Variants in EXOC4 observed in about 807,000 individuals in gnomAD.
EXOC4 encodes the protein exocyst complex component 4.
Under a neutral mutation model 107.2 loss-of-function variants are expected in EXOC4, and 71 were observed. The ratio of observed to expected loss-of-function variants is 0.66; its 90% CI spans 0.55 to 0.81. EXOC4 has a LOEUF of 0.81. EXOC4 is among the 30% of genes least tolerant of loss of function. The pLI is 0.00. For missense variants in EXOC4, 1,108 were observed against 1,189.6 expected (o/e 0.93, Z 1.01); for synonymous variants, 456 against 441.2 (o/e 1.03, Z -0.42).
At chr7:134,044,767 A>G (rs1437941438) in intron 17 of EXOC4, among the ~76,000 whole-genome samples, 1 of 152,254 alleles carries the variant, frequency 6.6e-6, no homozygotes, top group African/African-American at 2.4e-5. Context: ...TGTTCTTGCC[A>G]GACACTTATA....
At chr7:133,585,891 C>T (rs1246762843) in intron 9 of EXOC4, among the ~76,000 whole-genome samples, 5 of 151,942 alleles carry the variant, frequency 3.3e-5, no homozygotes, top group African/African-American at 1.2e-4. Context: ...GACAGTGTTT[C>T]ACCATGTTGG....
chr7:133,270,514 A>G (rs1269836710), intron 1 of EXOC4, among the ~76,000 whole-genome samples: 2 of 152,230 alleles, frequency 1.3e-5, no homozygotes, highest in South Asian at 2.1e-4. Context: ...AACCCAAGAA[A>G]GAACTATTGA....
intron 7 of EXOC4, 73 bp downstream of exon 7, chr7:133,375,075 A>G (rs1796459408): frequency 1.6e-6 from 2 of 1,241,076 alleles, no homozygotes; most frequent in Admixed American, 1.9e-5. Flanking sequence ...AACAGCAACA[A>G]CAAGCCACCT....
chr7:134,016,539 C>T (rs941708459), intron 17 of EXOC4, among the ~76,000 whole-genome samples: 4 of 152,162 alleles, frequency 2.6e-5, no homozygotes, highest in Admixed American at 6.5e-5. Flanking sequence ...CATTTTCTCA[C>T]GTTAACTTCT....
intron 4 of EXOC4, among the ~76,000 whole-genome samples, chr7:133,312,420 GAATT>G (rs778864911): frequency 6.6e-6 from 1 of 152,128 alleles, no homozygotes; most frequent in Non-Finnish European, 1.5e-5. Flanking sequence ...CTGATAAAAG[GAATT>G]ACTTGTGAGA....
intron 11 of EXOC4, among the ~76,000 whole-genome samples, chr7:133,854,933 T>TC (rs1798316430): frequency 6.7e-6 from 1 of 148,544 alleles, no homozygotes; most frequent in Non-Finnish European, 1.5e-5. Flanking sequence ...CATATTGTCT[T>TC]CATGTCTTTC....
intron 10 of EXOC4, among the ~76,000 whole-genome samples, chr7:133,793,836 C>CT (rs1165249155): frequency 1.5e-5 from 2 of 130,370 alleles, no homozygotes; most frequent in African/African-American, 5.9e-5. Context: ...GAGGGAGACT[C>CT]TGTCACACAC....
chr7:133,594,314 AT>A, intron 9 of EXOC4, among the ~76,000 whole-genome samples: 1 of 152,176 alleles, frequency 6.6e-6, no homozygotes. Context: ...TAATATTTTC[AT>A]TTGAAGACCT....
At chr7:133,962,397 C>G (rs1326360934) in intron 14 of EXOC4, among the ~76,000 whole-genome samples, 1 of 152,158 alleles carries the variant, frequency 6.6e-6, no homozygotes, top group Non-Finnish European at 1.5e-5. Flanking sequence ...GTTGTCCTGC[C>G]TATGTTTGTT....
rs533527429 is a variant in EXOC4 at position 133,615,070 on chromosome 7, C to T, written c.1418-14975C>T. On this transcript the variant is annotated intron_variant, in intron 9 of 17. Coordinates refer to ENST00000253861, the MANE Select transcript of EXOC4 (RefSeq NM_021807.4). ...TATGACATGGACCCTTCTATGATAT[C>T]GTCACTGAAACTAAAGCAAACAGTT... is the stretch of plus-strand genomic sequence containing the variant. Among the ~76,000 whole-genome samples the T allele has an allele frequency of 7.9e-5, 12 of 152,224 alleles. No homozygotes were observed. In the East Asian group the frequency reaches 9.7e-4, roughly 12 times the overall value.
chr7:133,335,752 C>T, intron 5 of EXOC4, among the ~76,000 whole-genome samples: 1 of 152,184 alleles, frequency 6.6e-6, no homozygotes, highest in East Asian at 1.9e-4. Flanking sequence ...TTCTGGGGAT[C>T]TGCCATGCTG....
At position 133,422,650 on chromosome 7, in the gene EXOC4, GGA is replaced by G. The variant is rs1340254285; in HGVS notation, c.1182+47650_1182+47651del. ...TAGGTTACATGTTTTACTGGCTCATGGAGCTCTTCAAAATGACCCAGTTCAGA... is the reference window on the plus strand; with the variant it reads ...TAGGTTACATGTTTTACTGGCTCATGGCTCTTCAAAATGACCCAGTTCAGA... On this transcript the variant is annotated intron_variant, in intron 7 of 17. Transcript: ENST00000253861. Among the ~76,000 whole-genome samples the G allele has an allele frequency of 5.7e-3, 870 of 152,184 alleles. 7 individuals carry two copies. The highest frequency in any genetic ancestry group is 0.02 in the African/African-American group (829 of 41,508).
chr7:133,587,431 T>C (rs1048242586), intron 9 of EXOC4, among the ~76,000 whole-genome samples: 3 of 152,268 alleles, frequency 2.0e-5, no homozygotes, highest in African/African-American at 7.2e-5. Flanking sequence ...ACTGGAACTA[T>C]GGGGAGAAAT....
intron 10 of EXOC4, among the ~76,000 whole-genome samples, chr7:133,638,056 CAG>C (rs1232361495): frequency 1.3e-5 from 2 of 151,972 alleles, no homozygotes; most frequent in Admixed American, 6.6e-5. Flanking sequence ...TAGTGAAAAA[CAG>C]AGGAGAAACA....
At chr7:133,425,361 C>T (rs1204152057) in intron 7 of EXOC4, among the ~76,000 whole-genome samples, 2 of 152,176 alleles carry the variant, frequency 1.3e-5, no homozygotes, top group Non-Finnish European at 2.9e-5. Context: ...AATCTTGGCT[C>T]ACTGCAACCT....
chr7:133,582,390 C>T (rs1054104643), intron 9 of EXOC4, among the ~76,000 whole-genome samples: 9 of 152,164 alleles, frequency 5.9e-5, no homozygotes, highest in Non-Finnish European at 1.2e-4. Context: ...AAGAACAGCA[C>T]TTTTAAACAA....
At chr7:133,468,186 T>C (rs780670540) in intron 7 of EXOC4, among the ~76,000 whole-genome samples, 13 of 152,230 alleles carry the variant, frequency 8.5e-5, no homozygotes, top group Non-Finnish European at 2.9e-5. Context: ...ATGTGTACTC[T>C]TGGAAGTTTT....
In EXOC4 at chr7:133,693,246, G is replaced by A. The variant is rs186621548; in HGVS notation, c.1514+63105G>A. The stretch of plus-strand genomic sequence containing the variant: ...CGATAGCCCCTGGCAAACCACTGGT[G>A]TGAGTCCAAGAGTCCAAAAGCTGAA... On this transcript the variant is annotated intron_variant, in intron 10 of 17. Coordinates refer to ENST00000253861, the MANE Select transcript of EXOC4 (RefSeq NM_021807.4). Among the ~76,000 whole-genome samples the A allele has an allele frequency of 5.3e-5, 8 of 152,320 alleles. No homozygotes were observed. The East Asian group carries it at 1.5e-3, about 29-fold the overall frequency.
At position 133,356,348 on chromosome 7, in the gene EXOC4, A is replaced by G; in HGVS notation, c.782A>G (p.Gln261Arg). 1 of 1,613,982 alleles carries G rather than the reference A, an allele frequency of 6.2e-7. No homozygotes were observed. The highest frequency in any genetic ancestry group is 8.5e-7 in the Non-Finnish European group (1 of 1,179,904). ...GSSSVREINL[Q>R]DIKEDLELDP... ...TTTTCAGTGAGGGAGATAAATCTGCAGGACATCAAGGAAGATTTAGAATTG... is the reference window on the plus strand; with the variant it reads ...TTTTCAGTGAGGGAGATAAATCTGCGGGACATCAAGGAAGATTTAGAATTG... Residue 261 changes from glutamine to arginine, a missense_variant, in exon 6 of 18, where the codon CAG (glutamine) becomes CGG (arginine). Transcript: ENST00000253861.
Sources: allele counts gnomAD v4.1 joint callset (sites outside exome capture counted in the v4.1 genomes callset), GRCh38; gene constraint gnomAD v4.1.1; transcripts MANE v1.5; gene names NCBI Gene and HGNC (gene_info 2026-07-23, HGNC 2026-07-21).